Variants in SH3YL1 observed in about 807,000 individuals in gnomAD.
The protein encoded by SH3YL1 is SH3 domain-containing YSC84-like protein 1.
A neutral mutation model predicts 45.8 loss-of-function variants in SH3YL1; 41 were observed. The observed-to-expected ratio is 0.89, with a 90% CI of 0.70 to 1.16. The LOEUF (loss-of-function observed/expected upper bound fraction) is 1.16, where lower values mean the gene tolerates loss of function less well. Among genes scored for constraint, SH3YL1 ranks in the 50% most tolerant of loss-of-function variants. SH3YL1 has a pLI of 0.00. For synonymous variants in SH3YL1, 152 were observed against 151.4 expected (o/e 1.00, Z -0.03); for missense variants, 389 against 409.6 (o/e 0.95, Z 0.43).
At chr2:254,406 A>C (rs930534047) in intron 1 of SH3YL1, among the ~76,000 whole-genome samples, 4 of 152,208 alleles carry the variant, frequency 2.6e-5, no homozygotes, top group African/African-American at 9.6e-5. Context: ...GAAGCTGAAT[A>C]GCTTCAGTGT....
At position 246,974 on chromosome 2, in the gene SH3YL1, G is replaced by A. The variant is rs183700369; in HGVS notation, c.291+564C>T. 7.2e-5 allele frequency among the ~76,000 whole-genome samples: 11 copies of A among 152,260 alleles called. No individual in the cohort carries two copies. In the East Asian group the frequency reaches 1.9e-3, roughly 27 times the overall value. On this transcript the variant is annotated intron_variant, in intron 4 of 9. Transcript: ENST00000356150. ...TTCAATTTCCAGGCCCTTGCAAAAC[G>A]ACAGACTGAAGATGAGCATCAGCCC...
intron 1 of SH3YL1, chr2:259,396 G>A (rs1669494352): frequency 6.6e-6 from 1 of 152,008 alleles, no homozygotes. Flanking sequence ...TTTGGAATAT[G>A]AGTTAAAAAC....
At chr2:226,074 C>T (rs770559864) in intron 8 of SH3YL1, among the ~76,000 whole-genome samples, 1 of 151,856 alleles carries the variant, frequency 6.6e-6, no homozygotes, top group Non-Finnish European at 1.5e-5. Context: ...GACTAAGTAT[C>T]CAGTAAATGC....
chr2:245,604 CACAGACTGGA>C (rs1668762270), intron 4 of SH3YL1, among the ~76,000 whole-genome samples: 1 of 152,108 alleles, frequency 6.6e-6, no homozygotes. Flanking sequence ...TTCCTAACAT[CACAGACTGGA>C]AGCACCCAGG....
intron 9 of SH3YL1, among the ~76,000 whole-genome samples, chr2:224,129 T>C (rs1011846233): frequency 1.3e-5 from 2 of 152,228 alleles, no homozygotes; most frequent in Admixed American, 6.5e-5. Context: ...ATGACGAAAG[T>C]ATTCAATGTG....
intron 7 of SH3YL1, 43 bp downstream of exon 7, chr2:230,980 G>C (rs1394607945): frequency 1.3e-6 from 2 of 1,589,296 alleles, no homozygotes; most frequent in East Asian, 2.2e-5. Context: ...TACAGAAAGA[G>C]ATTTTCTGAG....
chr2:263,940 A>G, intron 1 of SH3YL1, 44 bp downstream of exon 1: 1 of 1,456,848 alleles, frequency 6.9e-7, no homozygotes, highest in Non-Finnish European at 9.3e-7. Context: ...CCAGCTCTTG[A>G]GAGGGGAGGG....
At chr2:250,813 T>C (rs529526737) in intron 2 of SH3YL1, among the ~76,000 whole-genome samples, 2 of 152,346 alleles carry the variant, frequency 1.3e-5, no homozygotes, top group South Asian at 2.1e-4. Flanking sequence ...CCATGAAGTT[T>C]GCATGCAGAA....
In SH3YL1 at chr2:251,606, G is replaced by A. The variant is rs116114496; in HGVS notation, c.112+1399C>T. 7.8e-3 allele frequency among the ~76,000 whole-genome samples: 1,193 copies of A among 152,180 alleles called. 10 individuals are homozygous for A. Among genetic ancestry groups the A allele is most frequent in the African/African-American group, 0.027 (1,121 of 41,524 alleles). On this transcript the variant is annotated intron_variant, in intron 2 of 9. Coordinates refer to ENST00000356150, the MANE Select transcript of SH3YL1 (RefSeq NM_015677.4). ...AGTTTTCTTTAAGCTCTAAAGCAGC[G>A]CTTCTGAAACTAGTGTGTGTGTGCA...
In SH3YL1 at chr2:252,894, ACT is replaced by A. The variant is rs1669134099; in HGVS notation, c.112+109_112+110del. 2.6e-5 allele frequency: 17 copies of A among 649,928 alleles called. No individual in the cohort carries two copies. In the South Asian group the frequency reaches 3.4e-4, roughly 13 times the overall value. 40.3% of individuals were successfully genotyped at this position (649,928 alleles called of 1,614,324 possible). A position where few individuals can be genotyped will look rare whatever the true frequency, so the allele number is the denominator to read the frequency against. ...TGGTGGAACAAAAGGTGGCTGAACT[ACT>A]TGTTGGCATTGATGGAGGCTTCTGC... On this transcript the variant is annotated intron_variant, in intron 2 of 9. Coordinates refer to ENST00000356150, the MANE Select transcript of SH3YL1 (RefSeq NM_015677.4).
chr2:224,931 A>C lies in SH3YL1; in HGVS notation c.782-11T>G, dbSNP rs1417427197. ...ATTCATTTCTGTTACCTGCCAAAAA[A>C]GAGGAGAGTGGTGATTTTGAAAACT... On this transcript the variant is annotated splice_polypyrimidine_tract_variant and intron_variant, in intron 8 of 9. Transcript: ENST00000356150. 4 of 1,607,626 alleles carry C rather than the reference A, an allele frequency of 2.5e-6. No individual in the cohort carries two copies. The African/African-American group carries it at 5.3e-5, about 21-fold the overall frequency.
chr2:256,812 A>G (rs1669354235), intron 1 of SH3YL1: 3 of 152,254 alleles, frequency 2.0e-5, no homozygotes, highest in African/African-American at 2.4e-5. Context: ...AGAGTTCTCT[A>G]AAGTGATTAC....
chr2:224,853 TA>T lies in SH3YL1; in HGVS notation c.838+10del, dbSNP rs771536963. Reference sequence around the variant, plus strand: ...ATGAATCATTTATAACATATAGATTTACTGATTTACCAACTCTCTCATGATA... The same window carrying T: ...ATGAATCATTTATAACATATAGATTTCTGATTTACCAACTCTCTCATGATA... On this transcript the variant is annotated intron_variant, in intron 9 of 9. Coordinates refer to ENST00000356150, the MANE Select transcript of SH3YL1 (RefSeq NM_015677.4). 2.5e-6 allele frequency: 4 copies of T among 1,576,776 alleles called. No homozygotes were observed. The African/African-American group carries it at 5.4e-5, about 21-fold the overall frequency.
intron 8 of SH3YL1, among the ~76,000 whole-genome samples, chr2:226,937 TAA>T (rs1487160832): frequency 1.3e-5 from 2 of 152,086 alleles, no homozygotes; most frequent in Non-Finnish European, 2.9e-5. Flanking sequence ...TGGTGGATAG[TAA>T]CCATGGTGAA....
intron 1 of SH3YL1, among the ~76,000 whole-genome samples, chr2:257,680 C>T (rs1348752156): frequency 7.2e-5 from 11 of 152,220 alleles, no homozygotes; most frequent in Non-Finnish European, 1.6e-4. Context: ...GACCACGAGG[C>T]ATCCCTGGAG....
intron 8 of SH3YL1, among the ~76,000 whole-genome samples, chr2:227,010 T>A (rs1215629682): frequency 6.6e-6 from 1 of 151,862 alleles, no homozygotes; most frequent in Admixed American, 6.6e-5. Flanking sequence ...GCATACATGA[T>A]GGAGAATGCA....
chr2:242,700 G>C (rs1415440255), intron 4 of SH3YL1: 9 of 1,368,486 alleles, frequency 6.6e-6, no homozygotes, highest in Non-Finnish European at 8.6e-6. Flanking sequence ...CAAATAAAAA[G>C]GCAGAGATTA....
At chr2:252,533 C>T (rs1669115320) in intron 2 of SH3YL1, among the ~76,000 whole-genome samples, 1 of 152,196 alleles carries the variant, frequency 6.6e-6, no homozygotes, top group Non-Finnish European at 1.5e-5. Flanking sequence ...GCAGCTGGCC[C>T]TGTCCAGACC....
chr2:246,631 A>AG lies in SH3YL1; in HGVS notation c.291+906dup, dbSNP rs1319458120. On this transcript the variant is annotated intron_variant, in intron 4 of 9. Coordinates refer to ENST00000356150, the MANE Select transcript of SH3YL1 (RefSeq NM_015677.4). The stretch of plus-strand genomic sequence containing the variant: ...AGGGGAGGGAGGGAAGGGAGGAGGA[A>AG]GGGGAGGGAAGCCACAATCACTGAT... Among the ~76,000 whole-genome samples the AG allele has an allele frequency of 5.4e-5, 8 of 149,370 alleles. No individual in the cohort carries two copies. In the South Asian group the frequency reaches 1.8e-3, roughly 33 times the overall value.
Sources: gnomAD v4.1 joint callset for allele counts (sites outside exome capture counted in the v4.1 genomes callset) on GRCh38, gnomAD v4.1.1 for gene constraint, MANE v1.5 for transcripts, NCBI Gene and HGNC (gene_info 2026-07-23, HGNC 2026-07-21) for gene names.